Variants in SEMA3E observed in about 807,000 individuals in gnomAD.
The protein encoded by SEMA3E is semaphorin-3E.
SEMA3E carries 49 observed loss-of-function variants against 93.6 expected under a neutral mutation model. That is an observed-to-expected ratio of 0.52 (90% CI 0.42 to 0.66). The LOEUF is 0.66. Among genes scored for constraint, SEMA3E ranks in the 30% least tolerant of loss-of-function variants. The pLI, the probability that SEMA3E is intolerant of heterozygous loss-of-function variation, is 0.00. For synonymous variants in SEMA3E, 363 were observed against 330.7 expected (o/e 1.10, Z -1.06); for missense variants, 906 against 964.8 (o/e 0.94, Z 0.81).
At chr7:83,411,299 A>G (rs975615293) in intron 5 of SEMA3E, among the ~76,000 whole-genome samples, 3 of 152,130 alleles carry the variant, frequency 2.0e-5, no homozygotes, top group Non-Finnish European at 4.4e-5. Context: ...GACAGAGAAA[A>G]TTGTGAGCAA....
chr7:83,546,526 C>T (rs1049121788), intron 1 of SEMA3E, among the ~76,000 whole-genome samples: 3 of 151,802 alleles, frequency 2.0e-5, no homozygotes, highest in East Asian at 1.9e-4. Context: ...GCATTTCCTA[C>T]GTTAACAATT....
chr7:83,385,525 A>G, intron 15 of SEMA3E, 92 bp from the exon 16 acceptor site: 8 of 1,219,180 alleles, frequency 6.6e-6, no homozygotes, highest in Non-Finnish European at 8.5e-6. Context: ...CAGTAACATG[A>G]TTAACTCATT....
chr7:83,629,934 A>C (rs954155305), intron 1 of SEMA3E, among the ~76,000 whole-genome samples: 1 of 152,172 alleles, frequency 6.6e-6, no homozygotes, highest in African/African-American at 2.4e-5. Context: ...ACCCGAGGGA[A>C]TCTCCTGGTC....
chr7:83,526,031 CTG>C (rs1791152004), intron 1 of SEMA3E, among the ~76,000 whole-genome samples: 1 of 151,888 alleles, frequency 6.6e-6, no homozygotes. Flanking sequence ...AATATTTCAA[CTG>C]TGTCTCTGGA....
intron 1 of SEMA3E, among the ~76,000 whole-genome samples, chr7:83,639,139 A>AAAAAAAAAAAAAC (rs1562866068): frequency 2.8e-5 from 3 of 108,916 alleles, no homozygotes; most frequent in African/African-American, 1.1e-4. Flanking sequence ...AAAAAAAAAA[A>AAAAAAAAAAAAAC]ACAGAGATTC....
chr7:83,625,936 A>T (rs1277183090), intron 1 of SEMA3E, among the ~76,000 whole-genome samples: 1 of 152,148 alleles, frequency 6.6e-6, no homozygotes, highest in African/African-American at 2.4e-5. Context: ...ATTTTATCAA[A>T]GGCCTTTTCT....
At chr7:83,611,317 G>GA (rs1562854494) in intron 1 of SEMA3E, among the ~76,000 whole-genome samples, 7 of 137,624 alleles carry the variant, frequency 5.1e-5, no homozygotes, top group Non-Finnish European at 1.1e-4. Context: ...ATAAATTTAT[G>GA]TATAATATAT....
intron 4 of SEMA3E, among the ~76,000 whole-genome samples, chr7:83,458,999 G>T (rs545711678): frequency 7.1e-6 from 1 of 141,060 alleles, no homozygotes; most frequent in Admixed American, 7.3e-5. Flanking sequence ...ACACACTGAA[G>T]GAAAGGAGTG....
chr7:83,509,010 A>AG (rs1405030821), intron 1 of SEMA3E, among the ~76,000 whole-genome samples: 2 of 152,170 alleles, frequency 1.3e-5, no homozygotes. Flanking sequence ...TGTAATTTGA[A>AG]GGGGGAACAT....
chr7:83,414,456 T>C (rs1788502752), intron 5 of SEMA3E, among the ~76,000 whole-genome samples: 1 of 152,094 alleles, frequency 6.6e-6, no homozygotes, highest in Non-Finnish European at 1.5e-5. Context: ...ACAAAATTCA[T>C]AATAAGGATA....
intron 16 of SEMA3E, among the ~76,000 whole-genome samples, chr7:83,376,188 C>A (rs1794819903): frequency 6.6e-6 from 1 of 151,832 alleles, no homozygotes; most frequent in African/African-American, 2.4e-5. Flanking sequence ...TAATGGGGAA[C>A]AAAAACTGAT....
At chr7:83,647,309 C>G (rs1794091787) in intron 1 of SEMA3E, among the ~76,000 whole-genome samples, 1 of 152,230 alleles carries the variant, frequency 6.6e-6, no homozygotes, top group East Asian at 1.9e-4. Context: ...AAATTGAGGA[C>G]TCCCTTTTTG....
intron 1 of SEMA3E, among the ~76,000 whole-genome samples, chr7:83,606,122 T>C (rs1793112299): frequency 6.6e-6 from 1 of 152,216 alleles, no homozygotes; most frequent in Non-Finnish European, 1.5e-5. Context: ...ATCCTGCTGG[T>C]AACTGTACTT....
intron 1 of SEMA3E, among the ~76,000 whole-genome samples, chr7:83,590,112 T>C (rs1295997707): frequency 2.0e-5 from 3 of 152,160 alleles, no homozygotes; most frequent in African/African-American, 7.2e-5. Flanking sequence ...TTTCTTTTGT[T>C]CTTAAGATAC....
chr7:83,464,867 C>T (rs1462587980), intron 4 of SEMA3E, among the ~76,000 whole-genome samples: 1 of 150,302 alleles, frequency 6.7e-6, no homozygotes, highest in East Asian at 2.0e-4. Context: ...CATACCACCC[C>T]CCAAAAATTT....
At chr7:83,602,345 C>G (rs1793013582) in intron 1 of SEMA3E, among the ~76,000 whole-genome samples, 1 of 152,182 alleles carries the variant, frequency 6.6e-6, no homozygotes, top group Non-Finnish European at 1.5e-5. Context: ...CATATGAATG[C>G]CACTGCCTTC....
At chr7:83,466,163 TTGG>T (rs1217420644) in intron 4 of SEMA3E, among the ~76,000 whole-genome samples, 1 of 152,192 alleles carries the variant, frequency 6.6e-6, no homozygotes, top group African/African-American at 2.4e-5. Flanking sequence ...ATATTCCAGT[TTGG>T]TGGTTAAATT....
intron 1 of SEMA3E, among the ~76,000 whole-genome samples, chr7:83,633,456 T>A (rs1180607119): frequency 1.3e-5 from 2 of 152,154 alleles, no homozygotes; most frequent in African/African-American, 4.8e-5. Flanking sequence ...TGGAAAAAAA[T>A]TAGCAATGTG....
intron 1 of SEMA3E, among the ~76,000 whole-genome samples, chr7:83,573,332 C>G (rs1199678542): frequency 1.3e-5 from 2 of 151,758 alleles, no homozygotes; most frequent in Non-Finnish European, 2.9e-5. Flanking sequence ...ATTTTTTCAA[C>G]TATCCTAATA....
Sources: gnomAD v4.1 joint callset for allele counts (sites outside exome capture counted in the v4.1 genomes callset) on GRCh38, gnomAD v4.1.1 for gene constraint, MANE v1.5 for transcripts, NCBI Gene and HGNC (gene_info 2026-07-23, HGNC 2026-07-21) for gene names.